Variants in C8orf34 observed in about 807,000 individuals in gnomAD.
The protein encoded by C8orf34 is chromosome 8 open reading frame 34, also known as uncharacterized protein C8orf34.
In C8orf34, 65 loss-of-function variants were observed where a neutral mutation model predicts 68.3. That is an observed-to-expected ratio of 0.95 (90% CI 0.78 to 1.17). C8orf34 has a LOEUF of 1.17. Among genes scored for constraint, C8orf34 ranks in the 50% most tolerant of loss-of-function variants. The pLI is 0.00. For synonymous variants in C8orf34, 244 were observed against 241.2 expected, an observed-to-expected ratio of 1.01 and a Z score of -0.11; for missense variants, 664 against 655.4, an observed-to-expected ratio of 1.01 and a Z score of -0.14.
At chr8:68,658,325 C>A (rs1386957928) in intron 8 of C8orf34, among the ~76,000 whole-genome samples, 2 of 151,824 alleles carry the variant, frequency 1.3e-5, no homozygotes, top group African/African-American at 4.8e-5. Flanking sequence ...CTGAGCTATC[C>A]ATTACTGTTC....
intron 7 of C8orf34, among the ~76,000 whole-genome samples, chr8:68,547,722 A>C (rs1303156765): frequency 6.6e-6 from 1 of 151,776 alleles, no homozygotes; most frequent in African/African-American, 2.4e-5. Flanking sequence ...TTTATATGGA[A>C]ATAATGACCT....
rs576321829 is a variant in C8orf34, at chr8:68,789,008, A to T, written c.1549+1472A>T. On this transcript the variant is annotated intron_variant, in intron 12 of 13. Transcript: ENST00000518698. ...TATAATACTGTGGGATACAGAGAAA[A>T]TAATCCCCAAATGTGAAAGTATTAA... is the stretch of plus-strand genomic sequence containing the variant. Among the ~76,000 whole-genome samples, 15 of 152,336 alleles carry T rather than the reference A, an allele frequency of 9.8e-5. 1 individual carries two copies. In the East Asian group the frequency reaches 2.9e-3, roughly 29 times the overall value.
chr8:68,394,192 C>A (rs1255833244), intron 1 of C8orf34, among the ~76,000 whole-genome samples: 2 of 151,122 alleles, frequency 1.3e-5, no homozygotes, highest in Non-Finnish European at 3.0e-5. Flanking sequence ...CACCCACTAA[C>A]TCGTCATCTA....
intron 1 of C8orf34, among the ~76,000 whole-genome samples, chr8:68,437,455 ATTTATTTTTCTT>A (rs960787347): frequency 2.0e-5 from 3 of 152,058 alleles, no homozygotes; most frequent in African/African-American, 7.2e-5. Context: ...TGTACCTTCT[ATTTATTTTTCTT>A]TTTATTTTCT....
At chr8:68,365,318 CA>C (rs1807200002) in intron 1 of C8orf34, among the ~76,000 whole-genome samples, 1 of 63,642 alleles carries the variant, frequency 1.6e-5, no homozygotes, top group Admixed American at 1.8e-4. Context: ...ACCAGAGGTA[CA>C]AGGAGGAACT....
chr8:68,591,049 G>A (rs904393149), intron 7 of C8orf34, among the ~76,000 whole-genome samples: 1 of 152,264 alleles, frequency 6.6e-6, no homozygotes, highest in Non-Finnish European at 1.5e-5. Flanking sequence ...GTCGATTTGA[G>A]GCCCTTCCTC....
chr8:68,331,774 T>TCTTTC (rs755144336), intron 1 of C8orf34, among the ~76,000 whole-genome samples: 3 of 90,156 alleles, frequency 3.3e-5, no homozygotes, highest in African/African-American at 1.1e-4. Flanking sequence ...TCTTTTCTTT[T>TCTTTC]CTTTCCTTCT....
Position 68,801,427 on chromosome 8 carries a change from C to T in C8orf34, c.1549+13891C>T, listed in dbSNP as rs560083884. Among the ~76,000 whole-genome samples, 4 of 152,276 alleles carry T rather than the reference C, an allele frequency of 2.6e-5. No individual in the cohort carries two copies. In the East Asian group the frequency reaches 7.7e-4, roughly 29 times the overall value. ...GGTTTCTCCCAATCCAGAATGTTCT[C>T]CAACCAATTTGTTTCATTCATTTAC... On this transcript the variant is annotated intron_variant, in intron 12 of 13. Coordinates refer to ENST00000518698, the MANE Select transcript of C8orf34 (RefSeq NM_052958.4).
intron 5 of C8orf34, among the ~76,000 whole-genome samples, chr8:68,509,248 G>C (rs1368670494): frequency 1.3e-5 from 2 of 152,180 alleles, no homozygotes; most frequent in Non-Finnish European, 2.9e-5. Flanking sequence ...ATTGTCAAAG[G>C]CTCTGGCTGC....
chr8:68,777,644 C>T (rs916319476), intron 11 of C8orf34, among the ~76,000 whole-genome samples: 1 of 152,190 alleles, frequency 6.6e-6, no homozygotes, highest in Admixed American at 6.5e-5. Flanking sequence ...CTAACATGAT[C>T]TCCATTTGAT....
Position 68,818,428 on chromosome 8 carries a change from T to C in C8orf34, c.*182T>C. 1.6e-6 allele frequency: 1 copy of C among 640,634 alleles called. No homozygotes were observed. Among genetic ancestry groups the C allele is most frequent in the South Asian group, 2.4e-5 (1 of 41,482 alleles). The allele number at this position is 640,634 out of a possible 1,614,324, so 39.7% of individuals were successfully genotyped here. On this transcript the variant is annotated 3_prime_UTR_variant, in exon 14 of 14. Coordinates refer to ENST00000518698, the MANE Select transcript of C8orf34 (RefSeq NM_052958.4). ...CAAGTATGTAATCAGAGAACACTAA[T>C]CCTGGCAAAGGATTGTGGGGTGGTC...
At chr8:68,351,763 G>A (rs1348563967) in intron 1 of C8orf34, among the ~76,000 whole-genome samples, 1 of 151,964 alleles carries the variant, frequency 6.6e-6, no homozygotes, top group Non-Finnish European at 1.5e-5. Flanking sequence ...GTTTAATTTT[G>A]TAAGAAACTG....
chr8:68,649,334 CCT>C (rs1262415415), intron 8 of C8orf34, among the ~76,000 whole-genome samples: 3 of 152,124 alleles, frequency 2.0e-5, no homozygotes, highest in Non-Finnish European at 4.4e-5. Flanking sequence ...CAAATGAATA[CCT>C]CTGATTTCTA....
chr8:68,427,839 T>C lies in C8orf34; in HGVS notation c.328-11660T>C, dbSNP rs78171269. Among the ~76,000 whole-genome samples, 1,211 of 151,882 alleles carry C rather than the reference T, an allele frequency of 8.0e-3. 39 individuals are homozygous for C. The East Asian group carries it at 0.11, about 13-fold the overall frequency. On this transcript the variant is annotated intron_variant, in intron 1 of 13. Coordinates refer to ENST00000518698, the MANE Select transcript of C8orf34 (RefSeq NM_052958.4). ...AACCCCTTTGCACATTTCTTTGCAA[T>C]TTCTTGTGATTGTATAGTTATTTCA...
chr8:68,796,922 A>G (rs1824196159), intron 12 of C8orf34, among the ~76,000 whole-genome samples: 1 of 144,896 alleles, frequency 6.9e-6, no homozygotes, highest in African/African-American at 2.6e-5. Flanking sequence ...TGCCTCTTGC[A>G]TTCAAGCAAT....
intron 4 of C8orf34, among the ~76,000 whole-genome samples, chr8:68,470,226 C>G (rs891095787): frequency 6.6e-6 from 1 of 151,950 alleles, no homozygotes; most frequent in Non-Finnish European, 1.5e-5. Flanking sequence ...GGCACATATT[C>G]GTATTTATGA....
intron 6 of C8orf34, among the ~76,000 whole-genome samples, chr8:68,529,064 C>A (rs1209687766): frequency 6.6e-6 from 1 of 152,186 alleles, no homozygotes. Context: ...AGCTCATTCC[C>A]CTCAGCATGA....
At chr8:68,630,967 T>TAAA (rs1554588219) in intron 7 of C8orf34, among the ~76,000 whole-genome samples, 1 of 137,146 alleles carries the variant, frequency 7.3e-6, no homozygotes, top group African/African-American at 2.9e-5. Context: ...TTTTTTTTTT[T>TAAA]AAAAAACAGG....
At chr8:68,650,511 G>C (rs1480820941) in intron 8 of C8orf34, among the ~76,000 whole-genome samples, 2 of 132,600 alleles carry the variant, frequency 1.5e-5, no homozygotes, top group Non-Finnish European at 3.1e-5. Context: ...ACGGAGTCTC[G>C]CTCTGTCGCC....
Sources: allele counts gnomAD v4.1 joint callset (sites outside exome capture counted in the v4.1 genomes callset), GRCh38; gene constraint gnomAD v4.1.1; transcripts MANE v1.5; gene names NCBI Gene and HGNC (gene_info 2026-07-23, HGNC 2026-07-21).